CDH10: variants seen among roughly 807,000 people sequenced by gnomAD.
The protein encoded by CDH10 is cadherin 10, also known as cadherin-10.
In CDH10, 30 loss-of-function variants were observed where a neutral mutation model predicts 73.1. The observed-to-expected ratio is 0.41, with a 90% confidence interval of 0.31 to 0.56. CDH10 has a LOEUF of 0.56. Ranked by LOEUF, CDH10 falls within the 20% of genes least tolerant of loss-of-function variation. The probability of loss-of-function intolerance (pLI) is 0.27; values close to 1 mark genes in which losing one functional copy is unlikely to be tolerated. For missense variants in CDH10, 815 were observed against 973.7 expected (o/e 0.84, Z 2.17); for synonymous variants, 345 against 348.2 (o/e 0.99, Z 0.10).
At chr5:24,493,820 C>T (rs961409797) in intron 9 of CDH10, among the ~76,000 whole-genome samples, 1 of 151,750 alleles carries the variant, frequency 6.6e-6, no homozygotes, top group African/African-American at 2.4e-5. Flanking sequence ...CTTTTTACTG[C>T]GTTAACTCAA....
At chr5:24,575,286 C>A in intron 2 of CDH10, among the ~76,000 whole-genome samples, 1 of 125,554 alleles carries the variant, frequency 8.0e-6, no homozygotes, top group South Asian at 2.8e-4. Flanking sequence ...CGCTTGAACC[C>A]GGGAGGCAGA....
intron 5 of CDH10, among the ~76,000 whole-genome samples, chr5:24,530,974 G>A (rs1487419854): frequency 3.9e-5 from 6 of 151,988 alleles, no homozygotes; most frequent in Admixed American, 2.0e-4. Context: ...TCCCCTGAGC[G>A]TAAAGCCCTC....
At chr5:24,535,946 T>C (rs1743935932) in intron 3 of CDH10, 124 bp from the exon 4 acceptor site, 1 of 557,252 alleles carries the variant, frequency 1.8e-6, no homozygotes, top group Non-Finnish European at 3.0e-6. Context: ...AACTTTCATA[T>C]ATAATTTGGA....
intron 5 of CDH10, among the ~76,000 whole-genome samples, chr5:24,513,490 C>T (rs1742995347): frequency 6.6e-6 from 1 of 152,162 alleles, no homozygotes; most frequent in South Asian, 2.1e-4. Context: ...CAGCAGACAC[C>T]TTGTTCTCAG....
chr5:24,558,921 A>C (rs1744861297), intron 2 of CDH10, among the ~76,000 whole-genome samples: 1 of 151,912 alleles, frequency 6.6e-6, no homozygotes, highest in Non-Finnish European at 1.5e-5. Flanking sequence ...TCTCTCATTA[A>C]ATTAGTTCTA....
chr5:24,547,358 C>G (rs1175942830), intron 2 of CDH10, among the ~76,000 whole-genome samples: 2 of 152,060 alleles, frequency 1.3e-5, no homozygotes, highest in Non-Finnish European at 2.9e-5. Context: ...TAAACTGAAA[C>G]CTGAGAGAAG....
chr5:24,597,894 C>T (rs939539549), intron 1 of CDH10, among the ~76,000 whole-genome samples: 5 of 151,668 alleles, frequency 3.3e-5, no homozygotes, highest in Non-Finnish European at 7.4e-5. Flanking sequence ...AGTCCTTCTT[C>T]AGTCAATTTA....
chr5:24,499,018 G>A (rs889129471), intron 8 of CDH10, among the ~76,000 whole-genome samples: 2 of 152,148 alleles, frequency 1.3e-5, no homozygotes, highest in Admixed American at 6.5e-5. Flanking sequence ...CGGGTTGCCC[G>A]AAGAAATAGT....
chr5:24,488,795 C>G (rs548937651), intron 11 of CDH10, among the ~76,000 whole-genome samples: 3 of 135,434 alleles, frequency 2.2e-5, no homozygotes, highest in Admixed American at 1.5e-4. Context: ...CATGAGACCC[C>G]CCCCCCAAAA....
At chr5:24,595,106 T>TG (rs1746325655) in intron 1 of CDH10, among the ~76,000 whole-genome samples, 1 of 151,064 alleles carries the variant, frequency 6.6e-6, no homozygotes, top group African/African-American at 2.5e-5. Context: ...CTTATTTTGT[T>TG]TTGTGTGTGT....
At chr5:24,556,185 G>C (rs1434970992) in intron 2 of CDH10, among the ~76,000 whole-genome samples, 3 of 152,076 alleles carry the variant, frequency 2.0e-5, no homozygotes, top group Non-Finnish European at 4.4e-5. Flanking sequence ...CTCGTAGTTA[G>C]TATAGCCATT....
chr5:24,624,055 T>C (rs1747408239), intron 1 of CDH10, among the ~76,000 whole-genome samples: 1 of 152,064 alleles, frequency 6.6e-6, no homozygotes, highest in South Asian at 2.1e-4. Flanking sequence ...AGCAACTGTT[T>C]TTTGCTTGTT....
At chr5:24,625,227 A>C in intron 1 of CDH10, among the ~76,000 whole-genome samples, 1 of 151,838 alleles carries the variant, frequency 6.6e-6, no homozygotes, top group South Asian at 2.1e-4. Context: ...AATTGGCCCA[A>C]TATACTGTTA....
chr5:24,508,981 T>C (rs941739764), intron 7 of CDH10, among the ~76,000 whole-genome samples: 2 of 151,974 alleles, frequency 1.3e-5, no homozygotes, highest in African/African-American at 4.8e-5. Context: ...GACAGGCAGG[T>C]GTAACAAGCA....
Position 24,487,642 on chromosome 5 carries a change from G to A in CDH10, c.*21C>T. 6.3e-7 allele frequency: 1 copy of A among 1,587,544 alleles called. No individual in the cohort carries two copies. The highest frequency in any genetic ancestry group is 8.6e-7 in the Non-Finnish European group (1 of 1,165,636). On this transcript the variant is annotated 3_prime_UTR_variant, in exon 12 of 12. Transcript: ENST00000264463. ...TGGGTAGAGTTACTTTCTCTTGTTT[G>A]AACAGAACATATATCCTACGTTAAG...
rs1742063757 is a variant in CDH10, at chr5:24,491,788, T to C, written c.1664A>G (p.Asn555Ser). The C allele has an allele frequency of 2.5e-6, 4 of 1,603,560 alleles. No homozygotes were observed. Among genetic ancestry groups the C allele is most frequent in the East Asian group, 4.5e-5 (2 of 44,784 alleles). The change falls in exon 11 of 12, where the codon AAT (asparagine) becomes AGT (serine). Residue 555 changes from asparagine (N) to serine (S), a missense_variant. Coordinates refer to ENST00000264463, the MANE Select transcript of CDH10 (RefSeq NM_006727.5). ...GAGATAGGTACTGATTTCATGTCTA[T>C]TGAATCCATTTTTTCTGGTTAAGAT... ...ARILTRKNGF[N>S]RHEISTYLLP... is the part of the protein sequence containing the mutation.
chr5:24,540,411 G>C, intron 2 of CDH10, among the ~76,000 whole-genome samples: 1 of 151,878 alleles, frequency 6.6e-6, no homozygotes, highest in East Asian at 1.9e-4. Flanking sequence ...TTTTTAGAAA[G>C]CTCAGTTTTG....
intron 1 of CDH10, among the ~76,000 whole-genome samples, chr5:24,628,636 T>A (rs1428155619): frequency 2.0e-5 from 3 of 152,248 alleles, no homozygotes. Flanking sequence ...TTAAGTGAAA[T>A]TTTTAAATAA....
intron 1 of CDH10, among the ~76,000 whole-genome samples, chr5:24,629,025 GTC>G (rs1414336319): frequency 2.6e-5 from 4 of 151,986 alleles, no homozygotes; most frequent in African/African-American, 9.7e-5. Flanking sequence ...TCAAAGATAT[GTC>G]TCTTAGTTTT....
Sources: gnomAD v4.1 joint callset for allele counts (sites outside exome capture counted in the v4.1 genomes callset) on GRCh38, gnomAD v4.1.1 for gene constraint, MANE v1.5 for transcripts, NCBI Gene and HGNC (gene_info 2026-07-23, HGNC 2026-07-21) for gene names.